BCL2A1: variants seen among roughly 807,000 people sequenced by gnomAD.
The protein encoded by BCL2A1 is bcl-2-related protein A1.
In BCL2A1, 10 loss-of-function variants were observed where a neutral mutation model predicts 14.4. The observed-to-expected ratio is 0.69, with a 90% CI of 0.43 to 1.18. The LOEUF is 1.18. BCL2A1 is among the 50% of genes most tolerant of loss of function. BCL2A1 has a pLI of 0.00. For missense variants in BCL2A1, 158 were observed against 205.0 expected, an observed-to-expected ratio of 0.77 and a Z score of 1.40; for synonymous variants, 71 against 76.5, an observed-to-expected ratio of 0.93 and a Z score of 0.38.
intron 1 of BCL2A1, among the ~76,000 whole-genome samples, chr15:79,963,484 A>G (rs1385358809): frequency 2.6e-5 from 4 of 152,216 alleles, no homozygotes; most frequent in African/African-American, 9.6e-5. Context: ...TAGCAGTTAA[A>G]AATGTACTTT....
At chr15:79,969,764 T>G (rs966156830) in intron 1 of BCL2A1, among the ~76,000 whole-genome samples, 2 of 152,168 alleles carry the variant, frequency 1.3e-5, no homozygotes, top group African/African-American at 4.8e-5. Context: ...ACAAAAAATG[T>G]TTTACAAAGA....
At chr15:79,963,060 C>T (rs544155801) in intron 1 of BCL2A1, among the ~76,000 whole-genome samples, 20 of 152,290 alleles carry the variant, frequency 1.3e-4, no homozygotes, top group African/African-American at 4.8e-4. Context: ...CAGCTGGCCG[C>T]AACCTCTGCC....
At chr15:79,970,570 A>T in intron 1 of BCL2A1, 130 bp downstream of exon 1, 1 of 987,472 alleles carries the variant, frequency 1.0e-6, no homozygotes, top group East Asian at 2.6e-5. Flanking sequence ...TATTTTAAAA[A>T]TTAAAACAAA....
chr15:79,964,459 CCT>C (rs2035519103), intron 1 of BCL2A1, among the ~76,000 whole-genome samples: 1 of 152,028 alleles, frequency 6.6e-6, no homozygotes. Context: ...ACAGCAAGAC[CCT>C]GTTTCAAAAA....
intron 1 of BCL2A1, among the ~76,000 whole-genome samples, chr15:79,966,464 T>C (rs1248657502): frequency 6.6e-6 from 1 of 152,176 alleles, no homozygotes; most frequent in African/African-American, 2.4e-5. Context: ...ATTTCTCCCA[T>C]GTGGAGCTGA....
At chr15:79,963,750 G>A (rs2035512582) in intron 1 of BCL2A1, among the ~76,000 whole-genome samples, 1 of 152,068 alleles carries the variant, frequency 6.6e-6, no homozygotes. Context: ...TGGAGGGTAG[G>A]GGGCACCAGA....
At chr15:79,968,634 C>G (rs996156672) in intron 1 of BCL2A1, among the ~76,000 whole-genome samples, 6 of 152,158 alleles carry the variant, frequency 3.9e-5, no homozygotes, top group Non-Finnish European at 8.8e-5. Context: ...AGATATCTGC[C>G]ACATACATAA....
In BCL2A1 at chr15:79,971,145, T is replaced by C. The variant is rs771517262; in HGVS notation, c.-26A>G. The C allele has an allele frequency of 1.3e-5, 21 of 1,602,744 alleles. No homozygotes were observed. In the South Asian group the frequency reaches 2.3e-4, roughly 18 times the overall value. ...CTTCTGCCTGGTGGAGAGCAAAGTC[T>C]TGAGCTGGCTCACCTTGAAGCTGTT... On this transcript the variant is annotated 5_prime_UTR_variant, in exon 1 of 2. Coordinates refer to ENST00000267953, the MANE Select transcript of BCL2A1 (RefSeq NM_004049.4).
intron 1 of BCL2A1, chr15:79,967,727 T>A: frequency 7.6e-7 from 1 of 1,313,592 alleles, no homozygotes; most frequent in African/African-American, 1.4e-5. Context: ...ATTCATTCAT[T>A]TAAGCAGATT....
intron 1 of BCL2A1, among the ~76,000 whole-genome samples, chr15:79,961,378 A>G (rs2035489544): frequency 6.6e-6 from 1 of 152,358 alleles, no homozygotes; most frequent in South Asian, 2.1e-4. Context: ...TACAAAGTAA[A>G]AAAATAGATA....
chr15:79,966,096 C>G (rs2035538875), intron 1 of BCL2A1, among the ~76,000 whole-genome samples: 1 of 152,136 alleles, frequency 6.6e-6, no homozygotes, highest in African/African-American at 2.4e-5. Flanking sequence ...TCTAAACTTC[C>G]TGGAATTTCC....
chr15:79,965,783 A>T (rs1194378015), intron 1 of BCL2A1, among the ~76,000 whole-genome samples: 1 of 152,188 alleles, frequency 6.6e-6, no homozygotes. Context: ...AACTTATTTA[A>T]TCAAAGGATA....
chr15:79,962,343 G>T (rs541358708), intron 1 of BCL2A1, among the ~76,000 whole-genome samples: 2 of 152,112 alleles, frequency 1.3e-5, no homozygotes, highest in Admixed American at 6.5e-5. Flanking sequence ...TTCTGCCTAC[G>T]TGTTAAGTGT....
At position 79,961,301 on chromosome 15, in the gene BCL2A1, C is replaced by T. The variant is rs574188024; in HGVS notation, c.421-127G>A. The T allele has an allele frequency of 4.6e-5, 40 of 861,866 alleles. No homozygotes were observed. The South Asian group carries it at 6.8e-4, about 15-fold the overall frequency. The allele number at this position is 861,866 out of a possible 1,614,324, so 53.4% of individuals were successfully genotyped here. ...TTCTACCCCTTCTACCCCTGTTAAG[C>T]AGCAGCATCTAACAGAAATACAGTG... On this transcript the variant is annotated intron_variant, in intron 1 of 1. Transcript: ENST00000267953.
At chr15:79,965,214 G>A (rs1015763048) in intron 1 of BCL2A1, among the ~76,000 whole-genome samples, 2 of 152,036 alleles carry the variant, frequency 1.3e-5, no homozygotes, top group Non-Finnish European at 2.9e-5. Context: ...TGCAACCTCC[G>A]CCTCCTGGGT....
At chr15:79,968,212 G>A (rs8026767) in intron 1 of BCL2A1, among the ~76,000 whole-genome samples, 41,982 of 152,010 alleles carry the variant, frequency 0.28, 6,098 homozygotes, top group East Asian at 0.54. Flanking sequence ...TATGCTAAGC[G>A]TTGGAAATAC....
At chr15:79,962,226 G>T (rs945401671) in intron 1 of BCL2A1, among the ~76,000 whole-genome samples, 1 of 152,122 alleles carries the variant, frequency 6.6e-6, no homozygotes, top group Admixed American at 6.5e-5. Context: ...GGAGTGACTC[G>T]AGAGCTCTGC....
intron 1 of BCL2A1, among the ~76,000 whole-genome samples, chr15:79,963,912 T>C (rs568067610): frequency 6.6e-6 from 1 of 152,352 alleles, no homozygotes; most frequent in East Asian, 1.9e-4. Flanking sequence ...TAATGCCTAA[T>C]GTTAACATGA....
chr15:79,966,703 A>T (rs1033190404), intron 1 of BCL2A1, among the ~76,000 whole-genome samples: 8 of 151,128 alleles, frequency 5.3e-5, no homozygotes, highest in Admixed American at 4.6e-4. Context: ...GTGAGAGCAC[A>T]TCCTCTCAGC....
Sources: allele counts gnomAD v4.1 joint callset (sites outside exome capture counted in the v4.1 genomes callset), GRCh38; gene constraint gnomAD v4.1.1; transcripts MANE v1.5; gene names NCBI Gene and HGNC (gene_info 2026-07-23, HGNC 2026-07-21).